Variants in VPS53 observed in about 807,000 individuals in gnomAD.
The protein encoded by VPS53 is vacuolar protein sorting-associated protein 53 homolog.
A neutral mutation model predicts 107.0 loss-of-function variants in VPS53; 70 were observed. The observed-to-expected ratio is 0.65, with a 90% confidence interval of 0.54 to 0.80. The LOEUF (loss-of-function observed/expected upper bound fraction) is 0.80. Ranked by LOEUF, VPS53 falls within the 30% of genes least tolerant of loss-of-function variation. The pLI is 0.00. For synonymous variants in VPS53, 409 were observed against 393.3 expected (o/e 1.04, Z -0.47); for missense variants, 917 against 1,049.4 (o/e 0.87, Z 1.74).
At chr17:666,181 G>A (rs1195418748) in intron 4 of VPS53, among the ~76,000 whole-genome samples, 3 of 152,168 alleles carry the variant, frequency 2.0e-5, no homozygotes, top group Non-Finnish European at 4.4e-5. Context: ...ATACACAAGA[G>A]AAGAAAAGAT....
At position 517,340 on chromosome 17, in the gene VPS53, C is replaced by G; in HGVS notation, c.*1788G>C. ...CCTGGAAGCCGATGAAGAAATGACA[C>G]TCAGGATCAGAGCTGGACGGCATCG... On this transcript the variant is annotated 3_prime_UTR_variant, in exon 22 of 22. Transcript: ENST00000437048. 1 of 398,274 alleles carries G rather than the reference C, an allele frequency of 2.5e-6. No homozygotes were observed. Among genetic ancestry groups the G allele is most frequent in the Non-Finnish European group, 4.4e-6 (1 of 225,774 alleles). 24.7% of individuals were successfully genotyped at this position (398,274 alleles called of 1,614,324 possible).
At chr17:671,396 G>A in intron 4 of VPS53, among the ~76,000 whole-genome samples, 1 of 151,848 alleles carries the variant, frequency 6.6e-6, no homozygotes, top group East Asian at 1.9e-4. Context: ...GAGGGAGGGA[G>A]CAACATGCTG....
intron 18 of VPS53, among the ~76,000 whole-genome samples, chr17:533,681 C>T (rs553926565): frequency 6.6e-6 from 1 of 152,310 alleles, no homozygotes; most frequent in East Asian, 1.9e-4. Flanking sequence ...ACCCTCACAT[C>T]TAACCTAGTT....
chr17:554,684 T>C (rs1271180569), intron 15 of VPS53, among the ~76,000 whole-genome samples: 2 of 152,330 alleles, frequency 1.3e-5, no homozygotes, highest in Non-Finnish European at 2.9e-5. Flanking sequence ...TAGCTGGGAC[T>C]ACAGCTGGGA....
chr17:570,204 T>TA (rs1038153448), intron 13 of VPS53, among the ~76,000 whole-genome samples: 9 of 150,638 alleles, frequency 6.0e-5, no homozygotes, highest in East Asian at 3.9e-4. Flanking sequence ...CTGTCTCTAC[T>TA]AAAAAAAAGA....
intron 15 of VPS53, 111 bp from the exon 16 acceptor site, chr17:553,573 A>AT: frequency 9.4e-6 from 7 of 746,692 alleles, no homozygotes; most frequent in East Asian, 5.9e-5. Context: ...AATTCCATAC[A>AT]CTTTTTTTTT....
chr17:627,397 G>C, intron 9 of VPS53, 81 bp from the exon 10 acceptor site: 1 of 1,489,666 alleles, frequency 6.7e-7, no homozygotes, highest in Non-Finnish European at 9.0e-7. Context: ...AAAACACAGA[G>C]CCAAGCAAAA....
intron 13 of VPS53, among the ~76,000 whole-genome samples, chr17:563,058 C>T (rs139294507): frequency 1.3e-3 from 194 of 152,172 alleles, no homozygotes; most frequent in African/African-American, 4.3e-3. Context: ...TTACTGGTCC[C>T]GCTAAAAGAT....
At chr17:619,717 T>C (rs368144535) in intron 11 of VPS53, among the ~76,000 whole-genome samples, 5 of 94,622 alleles carry the variant, frequency 5.3e-5, no homozygotes, top group Admixed American at 3.7e-4. Flanking sequence ...ACTACAGGCG[T>C]GTACCACCAC....
chr17:616,242 G>A (rs574049802), intron 11 of VPS53: 1 of 152,374 alleles, frequency 6.6e-6, no homozygotes, highest in East Asian at 1.9e-4. Context: ...TAGGGTAGGA[G>A]GACGAAGTTG....
intron 8 of VPS53, among the ~76,000 whole-genome samples, chr17:628,751 T>C (rs753664484): frequency 2.6e-5 from 4 of 152,136 alleles, no homozygotes; most frequent in Non-Finnish European, 4.4e-5. Context: ...TAAAACCAGG[T>C]TCCAAGCCAC....
At chr17:591,020 C>T (rs1036796941) in intron 12 of VPS53, among the ~76,000 whole-genome samples, 2 of 151,626 alleles carry the variant, frequency 1.3e-5, no homozygotes, top group African/African-American at 4.8e-5. Context: ...GACTCTTTTT[C>T]GTTGGTAAGC....
intron 1 of VPS53, among the ~76,000 whole-genome samples, chr17:711,503 C>G (rs1973641025): frequency 6.6e-6 from 1 of 152,190 alleles, no homozygotes; most frequent in South Asian, 2.1e-4. Flanking sequence ...AAATGTTCAG[C>G]ATTGCTGTTT....
At chr17:657,449 G>A in intron 5 of VPS53, 1 of 1,046,042 alleles carries the variant, frequency 9.6e-7, no homozygotes, top group Non-Finnish European at 1.5e-6. Context: ...TGTGGGGACT[G>A]GTGGACGGAC....
intron 4 of VPS53, among the ~76,000 whole-genome samples, chr17:665,743 G>A (rs368782739): frequency 5.3e-5 from 8 of 152,208 alleles, no homozygotes; most frequent in African/African-American, 1.2e-4. Flanking sequence ...GGTGGCTCAC[G>A]CCTGTCATCC....
intron 15 of VPS53, among the ~76,000 whole-genome samples, chr17:555,144 T>G (rs143871237): frequency 9.2e-5 from 14 of 152,306 alleles, no homozygotes; most frequent in African/African-American, 2.6e-4. Context: ...AAATCCAAAT[T>G]CCTAACCATG....
In VPS53 at chr17:602,568, G is replaced by C. The variant is rs1180843874; in HGVS notation, c.1117-672C>G. Among the ~76,000 whole-genome samples, 5 of 152,312 alleles carry C rather than the reference G, an allele frequency of 3.3e-5. No individual in the cohort carries two copies. The East Asian group carries it at 5.8e-4, about 18-fold the overall frequency. ...CTATTTCAAAATACATCACGGAGTG[G>C]AAACATGGGCCAGTGGGAAGGCTGC... is the stretch of plus-strand genomic sequence containing the variant. On this transcript the variant is annotated intron_variant, in intron 11 of 21. Coordinates refer to ENST00000437048, the MANE Select transcript of VPS53 (RefSeq NM_001128159.3).
chr17:680,163 AG>A (rs1384596674), intron 4 of VPS53, among the ~76,000 whole-genome samples: 3 of 152,100 alleles, frequency 2.0e-5, no homozygotes, highest in African/African-American at 7.2e-5. Context: ...TCATGGTAGC[AG>A]GCGTCTGTTA....
In VPS53 at chr17:652,627, A is replaced by G. The variant is rs578024970; in HGVS notation, c.608+664T>C. Among the ~76,000 whole-genome samples the G allele has an allele frequency of 9.8e-4, 149 of 152,294 alleles. 1 individual carries two copies. The highest frequency in any genetic ancestry group is 3.3e-3 in the African/African-American group (137 of 41,566). ...AGGAGCCAGCCATGAGAGTGAGCCA[A>G]TGCATTCTCCAGTCCCCTCCTGAGC... On this transcript the variant is annotated intron_variant, in intron 7 of 21. Coordinates refer to ENST00000437048, the MANE Select transcript of VPS53 (RefSeq NM_001128159.3).
Sources: allele counts gnomAD v4.1 joint callset (sites outside exome capture counted in the v4.1 genomes callset), GRCh38; gene constraint gnomAD v4.1.1; transcripts MANE v1.5; gene names NCBI Gene and HGNC (gene_info 2026-07-23, HGNC 2026-07-21).